PPME1: variants seen among roughly 807,000 people sequenced by gnomAD.
PPME1 encodes testicular secretory protein Li 39.
In PPME1, 17 loss-of-function variants were observed where a neutral mutation model predicts 56.9. The observed-to-expected ratio is 0.30, with a 90% CI of 0.20 to 0.45. PPME1 has a LOEUF of 0.45. Among genes scored for constraint, PPME1 ranks in the 20% least tolerant of loss-of-function variants. PPME1 has a pLI of 1.00. For missense variants in PPME1, 357 were observed against 483.2 expected (o/e 0.74, Z 2.45); for synonymous variants, 122 against 156.2 (o/e 0.78, Z 1.63).
chr11:74,222,496 T>G, intron 4 of PPME1, 127 bp downstream of exon 4: 1 of 843,010 alleles, frequency 1.2e-6, no homozygotes, highest in South Asian at 1.6e-5. Flanking sequence ...AGCTTTTTGT[T>G]GTTGTCGTTG....
chr11:74,226,676 A>T (rs916184768), intron 5 of PPME1, among the ~76,000 whole-genome samples: 2 of 152,216 alleles, frequency 1.3e-5, no homozygotes, highest in Non-Finnish European at 2.9e-5. Context: ...AGCTTGGTTG[A>T]CATTCTAGAG....
chr11:74,248,903 T>G (rs1161042615), intron 11 of PPME1: 1 of 152,192 alleles, frequency 6.6e-6, no homozygotes, highest in African/African-American at 2.4e-5. Context: ...AATCCTGGGT[T>G]TGAATCACTG....
chr11:74,209,099 A>G (rs1284771341), intron 3 of PPME1, among the ~76,000 whole-genome samples: 1 of 151,712 alleles, frequency 6.6e-6, no homozygotes, highest in Non-Finnish European at 1.5e-5. Context: ...AGAGGGGGCT[A>G]TTTTTGTTTG....
In PPME1 at chr11:74,254,466, C is replaced by G. The variant is rs1279059864; in HGVS notation, c.*956C>G. ...AGTCTTTGCCTTCTTCCAGCTGCCT[C>G]GACACAGCACTGTGGCCTGTCCCTA... is the stretch of plus-strand genomic sequence containing the variant. On this transcript the variant is annotated 3_prime_UTR_variant, in exon 14 of 14. Transcript: ENST00000328257. The G allele has an allele frequency of 1.3e-5, 2 of 152,890 alleles. No homozygotes were observed. 9.5% of individuals were successfully genotyped at this position (152,890 alleles called of 1,614,324 possible).
At chr11:74,227,346 A>T (rs1393972179) in intron 5 of PPME1, among the ~76,000 whole-genome samples, 2 of 151,846 alleles carry the variant, frequency 1.3e-5, no homozygotes, top group African/African-American at 2.4e-5. Context: ...CACCAAAAAA[A>T]TTTTTTAATG....
chr11:74,249,119 G>T (rs1164758865), intron 11 of PPME1: 1 of 152,142 alleles, frequency 6.6e-6, no homozygotes, highest in Non-Finnish European at 1.5e-5. Flanking sequence ...CCTCAATATG[G>T]ATTATATCAA....
chr11:74,236,454 G>A (rs1859192734), intron 8 of PPME1, among the ~76,000 whole-genome samples: 1 of 152,176 alleles, frequency 6.6e-6, no homozygotes, highest in African/African-American at 2.4e-5. Flanking sequence ...GGGTATTGCT[G>A]TATAGTCACA....
At chr11:74,244,817 C>G (rs1175946711) in intron 9 of PPME1, among the ~76,000 whole-genome samples, 1 of 152,110 alleles carries the variant, frequency 6.6e-6, no homozygotes, top group African/African-American at 2.4e-5. Context: ...TCCATGTTTT[C>G]TTCTAGGAGT....
chr11:74,197,124 C>T (rs1858004862), intron 1 of PPME1, among the ~76,000 whole-genome samples: 1 of 152,122 alleles, frequency 6.6e-6, no homozygotes, highest in Admixed American at 6.5e-5. Flanking sequence ...TGTTCTTATA[C>T]CTGTACCACA....
chr11:74,174,601 G>A lies in PPME1; in HGVS notation c.101+3079G>A, dbSNP rs1010348943. Among the ~76,000 whole-genome samples the A allele has an allele frequency of 2.0e-5, 3 of 152,074 alleles. No individual in the cohort carries two copies. In the South Asian group the frequency reaches 6.2e-4, roughly 32 times the overall value. On this transcript the variant is annotated intron_variant, in intron 1 of 13. Coordinates refer to ENST00000328257, the MANE Select transcript of PPME1 (RefSeq NM_016147.3). ...TTCAATTTCACTAAACATTATTTAGGCATGTTTGCATATTCAGGGTGCATA... is the reference window on the plus strand; with the variant it reads ...TTCAATTTCACTAAACATTATTTAGACATGTTTGCATATTCAGGGTGCATA...
At chr11:74,199,267 C>G (rs1247956501) in intron 1 of PPME1, among the ~76,000 whole-genome samples, 2 of 152,190 alleles carry the variant, frequency 1.3e-5, no homozygotes, top group Non-Finnish European at 2.9e-5. Context: ...TGAACATTCA[C>G]TGCACTTCAG....
intron 7 of PPME1, among the ~76,000 whole-genome samples, chr11:74,232,958 G>A (rs1418377118): frequency 1.4e-5 from 2 of 145,324 alleles, no homozygotes; most frequent in South Asian, 2.1e-4. Context: ...TGCCCGCCTC[G>A]GCCTCTCAGA....
At chr11:74,199,933 A>G (rs1029749451) in intron 1 of PPME1, among the ~76,000 whole-genome samples, 17 of 152,140 alleles carry the variant, frequency 1.1e-4, no homozygotes, top group East Asian at 3.9e-4. Context: ...CCATGATTCA[A>G]TTATCTCCAA....
chr11:74,210,621 C>T (rs1399916765), intron 3 of PPME1, among the ~76,000 whole-genome samples: 1 of 152,110 alleles, frequency 6.6e-6, no homozygotes, highest in Non-Finnish European at 1.5e-5. Context: ...TAAGATCTGA[C>T]ATCTCCCTCC....
intron 3 of PPME1, among the ~76,000 whole-genome samples, chr11:74,213,674 G>GT (rs1038706008): frequency 2.0e-5 from 3 of 152,244 alleles, no homozygotes; most frequent in Admixed American, 2.0e-4. Flanking sequence ...AAGGAAGAGT[G>GT]TAAGAATCTC....
intron 3 of PPME1, among the ~76,000 whole-genome samples, chr11:74,220,271 A>G (rs1858762957): frequency 1.3e-5 from 2 of 151,992 alleles, no homozygotes; most frequent in Admixed American, 1.3e-4. Context: ...ATCTGGTGAA[A>G]TTATAAAGTG....
rs546366961 is a variant in PPME1, at chr11:74,221,019, A to G, written c.289-1293A>G. 5.3e-4 allele frequency among the ~76,000 whole-genome samples: 81 copies of G among 152,246 alleles called. 1 individual carries two copies. Among genetic ancestry groups the G allele is most frequent in the African/African-American group, 1.9e-3 (80 of 41,560 alleles). ...CAGTATTTTTCCCTCCTGTAACCCA[A>G]TTACTCCATTGGTGCCAGATTTTTA... is the stretch of plus-strand genomic sequence containing the variant. On this transcript the variant is annotated intron_variant, in intron 3 of 13. Coordinates refer to ENST00000328257, the MANE Select transcript of PPME1 (RefSeq NM_016147.3).
chr11:74,174,782 G>T (rs1857366730), intron 1 of PPME1, among the ~76,000 whole-genome samples: 1 of 152,154 alleles, frequency 6.6e-6, no homozygotes, highest in South Asian at 2.1e-4. Context: ...TATTTAATGT[G>T]TCCACAGACC....
chr11:74,172,260 C>T (rs1857272029), intron 1 of PPME1, among the ~76,000 whole-genome samples: 1 of 151,340 alleles, frequency 6.6e-6, no homozygotes, highest in African/African-American at 2.4e-5. Flanking sequence ...AAGGAGAGGA[C>T]TGAAGAATTT....
Sources: allele counts gnomAD v4.1 joint callset (sites outside exome capture counted in the v4.1 genomes callset), GRCh38; gene constraint gnomAD v4.1.1; transcripts MANE v1.5; gene names NCBI Gene and HGNC (gene_info 2026-07-23, HGNC 2026-07-21).